The following WWOX variants were observed in gnomAD, a reference collection of about 807,000 sequenced individuals.
The protein encoded by WWOX is WW domain-containing oxidoreductase.
A neutral mutation model predicts 46.2 loss-of-function variants in WWOX; 69 were observed. The ratio of observed to expected loss-of-function variants is 1.49; its 90% CI spans 1.23 to 1.82. WWOX has a LOEUF of 1.82. WWOX is among the 40% of genes most tolerant of loss of function. The probability of loss-of-function intolerance (pLI) is 0.00; values close to 1 mark genes in which losing one functional copy is unlikely to be tolerated. For missense variants in WWOX, 919 were observed against 542.6 expected (o/e 1.69, Z -6.89); for synonymous variants, 359 against 202.6 (o/e 1.77, Z -6.56).
intron 5 of WWOX, among the ~76,000 whole-genome samples, chr16:78,368,432 T>C (rs1040380122): frequency 1.3e-5 from 2 of 152,198 alleles, no homozygotes; most frequent in South Asian, 4.1e-4. Context: ...TGCTGTCCTT[T>C]GGTTTTCCTG....
chr16:78,368,185 T>C (rs2081585198), intron 5 of WWOX, among the ~76,000 whole-genome samples: 1 of 152,246 alleles, frequency 6.6e-6, no homozygotes, highest in Non-Finnish European at 1.5e-5. Flanking sequence ...GCCATGTCTG[T>C]AATCTCCCCT....
At position 78,677,494 on chromosome 16, in the gene WWOX, T is replaced by C. The variant is rs937700371; in HGVS notation, c.1056+244742T>C. ...TTCTTTCAAAAACACAGGTCAAACA[T>C]CCTGAGCCTGTTCTGTGGTCAGTTA... On this transcript the variant is annotated intron_variant, in intron 8 of 8. Transcript: ENST00000566780. Among the ~76,000 whole-genome samples, 8 of 152,308 alleles carry C rather than the reference T, an allele frequency of 5.3e-5. No homozygotes were observed. The East Asian group carries it at 1.5e-3, about 29-fold the overall frequency.
intron 8 of WWOX, among the ~76,000 whole-genome samples, chr16:78,676,156 C>T (rs946876719): frequency 6.6e-6 from 1 of 151,914 alleles, no homozygotes; most frequent in Non-Finnish European, 1.5e-5. Context: ...GTTCAAATTC[C>T]TGAGCGCCGT....
chr16:78,672,780 G>C (rs917627021), intron 8 of WWOX, among the ~76,000 whole-genome samples: 1 of 152,220 alleles, frequency 6.6e-6, no homozygotes, highest in Non-Finnish European at 1.5e-5. Flanking sequence ...ATTATGGCCT[G>C]ACAGCTCTTG....
At chr16:78,424,084 T>C (rs1234866063) in intron 6 of WWOX, among the ~76,000 whole-genome samples, 2 of 150,090 alleles carry the variant, frequency 1.3e-5, no homozygotes, top group East Asian at 4.0e-4. Context: ...TTCTTTTTCT[T>C]TGTTTTTCTT....
At chr16:78,292,842 T>C (rs2079882148) in intron 5 of WWOX, among the ~76,000 whole-genome samples, 2 of 152,190 alleles carry the variant, frequency 1.3e-5, no homozygotes, top group African/African-American at 4.8e-5. Context: ...TGTAAGGTAT[T>C]CAAGGATGGG....
At chr16:78,418,808 G>C (rs183975872) in intron 6 of WWOX, among the ~76,000 whole-genome samples, 3 of 151,986 alleles carry the variant, frequency 2.0e-5, no homozygotes, top group African/African-American at 7.3e-5. Flanking sequence ...TCAATAAAGG[G>C]CATCTGCAAA....
chr16:79,209,418 G>A (rs73569312), intron 8 of WWOX, among the ~76,000 whole-genome samples: 3 of 152,148 alleles, frequency 2.0e-5, no homozygotes, highest in Non-Finnish European at 4.4e-5. Flanking sequence ...TTTCCCAAAC[G>A]GACTGCTTTG....
intron 8 of WWOX, among the ~76,000 whole-genome samples, chr16:78,493,893 T>A (rs4888812): frequency 6.6e-6 from 1 of 152,020 alleles, no homozygotes; most frequent in East Asian, 1.9e-4. Context: ...TGAATGGTAA[T>A]ACTTCCCTAC....
chr16:78,907,445 C>G (rs1221503489), intron 8 of WWOX, among the ~76,000 whole-genome samples: 4 of 152,180 alleles, frequency 2.6e-5, no homozygotes, highest in African/African-American at 7.2e-5. Flanking sequence ...AGGCTCCTGT[C>G]CTCCTCCTAA....
intron 8 of WWOX, among the ~76,000 whole-genome samples, chr16:78,702,417 G>T (rs138924838): frequency 1.3e-5 from 2 of 152,146 alleles, no homozygotes; most frequent in East Asian, 3.9e-4. Flanking sequence ...TTGTGAGGCT[G>T]AGGTGGGCAG....
chr16:78,894,538 C>G (rs1328969951), intron 8 of WWOX, among the ~76,000 whole-genome samples: 1 of 152,200 alleles, frequency 6.6e-6, no homozygotes, highest in Non-Finnish European at 1.5e-5. Context: ...ATTGCTGCAG[C>G]TGTAATCCAG....
At chr16:78,658,114 C>T (rs138493882) in intron 8 of WWOX, among the ~76,000 whole-genome samples, 10 of 152,132 alleles carry the variant, frequency 6.6e-5, no homozygotes, top group African/African-American at 2.4e-4. Context: ...CCACTAGATG[C>T]CAGTAGCATC....
intron 8 of WWOX, among the ~76,000 whole-genome samples, chr16:78,905,795 C>G (rs118106384): frequency 6.6e-6 from 1 of 152,152 alleles, no homozygotes; most frequent in African/African-American, 2.4e-5. Flanking sequence ...AAACCAACTT[C>G]TTAGAACCAT....
intron 8 of WWOX, among the ~76,000 whole-genome samples, chr16:78,755,844 C>A (rs904848955): frequency 6.6e-6 from 1 of 152,210 alleles, no homozygotes; most frequent in Non-Finnish European, 1.5e-5. Context: ...GTAACCACCC[C>A]AGATTTTTCT....
chr16:78,390,381 C>G (rs2082152892), intron 6 of WWOX, among the ~76,000 whole-genome samples: 1 of 152,178 alleles, frequency 6.6e-6, no homozygotes, highest in Admixed American at 6.5e-5. Context: ...AGCTCAAAAC[C>G]TTGGAGGAAA....
intron 8 of WWOX, among the ~76,000 whole-genome samples, chr16:78,452,232 G>A (rs2083707276): frequency 6.6e-6 from 1 of 152,176 alleles, no homozygotes; most frequent in Admixed American, 6.5e-5. Context: ...CATAAAAAGA[G>A]ATTGCGTAAC....
intron 8 of WWOX, among the ~76,000 whole-genome samples, chr16:78,835,709 C>T (rs181940954): frequency 6.6e-6 from 1 of 152,256 alleles, no homozygotes; most frequent in East Asian, 1.9e-4. Flanking sequence ...AATCTGACCT[C>T]GTGAAGAAAT....
chr16:78,132,567 A>T (rs949150100), intron 4 of WWOX, among the ~76,000 whole-genome samples: 6 of 152,194 alleles, frequency 3.9e-5, no homozygotes, highest in African/African-American at 1.2e-4. Context: ...CAGTATCTTG[A>T]TGTCCAGTCC....
Sources: allele counts gnomAD v4.1 joint callset (sites outside exome capture counted in the v4.1 genomes callset), GRCh38; gene constraint gnomAD v4.1.1; transcripts MANE v1.5; gene names NCBI Gene and HGNC (gene_info 2026-07-23, HGNC 2026-07-21).